Variants in STT3B observed in about 807,000 individuals in gnomAD.
STT3B encodes the protein STT3 oligosaccharyltransferase complex catalytic subunit B, also known as dolichyl-diphosphooligosaccharide--protein glycosyltransferase subunit STT3B.
In STT3B, 29 loss-of-function variants were observed where a neutral mutation model predicts 96.8. The ratio of observed to expected loss-of-function variants is 0.30; its 90% CI spans 0.22 to 0.41. The LOEUF is 0.41. Ranked by LOEUF, STT3B falls within the 10% of genes least tolerant of loss-of-function variation. The probability of loss-of-function intolerance (pLI) is 1.00; values close to 1 mark genes in which losing one functional copy is unlikely to be tolerated. For synonymous variants in STT3B, 367 were observed against 360.0 expected (o/e 1.02, Z -0.22); for missense variants, 640 against 1,022.3 (o/e 0.63, Z 5.10).
At chr3:31,599,290 T>A (rs569259448) in intron 4 of STT3B, among the ~76,000 whole-genome samples, 1 of 152,330 alleles carries the variant, frequency 6.6e-6, no homozygotes, top group Non-Finnish European at 1.5e-5. Flanking sequence ...GCATCCAAGT[T>A]ATCTGAGTTA....
intron 3 of STT3B, among the ~76,000 whole-genome samples, chr3:31,581,821 G>C (rs1364535079): frequency 2.0e-5 from 3 of 152,146 alleles, no homozygotes; most frequent in Admixed American, 1.3e-4. Context: ...AAGCCATCAG[G>C]ACCAGGACTT....
At chr3:31,541,438 A>G (rs1441052690) in intron 1 of STT3B, among the ~76,000 whole-genome samples, 1 of 143,524 alleles carries the variant, frequency 7.0e-6, no homozygotes, top group Non-Finnish European at 1.5e-5. Flanking sequence ...GATAAATGGA[A>G]TTGTGGCTTT....
chr3:31,579,183 A>G (rs983806062), intron 2 of STT3B, among the ~76,000 whole-genome samples: 2 of 151,980 alleles, frequency 1.3e-5, no homozygotes, highest in Non-Finnish European at 2.9e-5. Context: ...TAAGTACTTT[A>G]TGTGGTATAA....
chr3:31,625,890 T>C (rs1037941637), intron 12 of STT3B, 64 bp from the exon 13 acceptor site: 17 of 1,404,806 alleles, frequency 1.2e-5, no homozygotes, highest in East Asian at 9.4e-5. Context: ...GTAAAAAATA[T>C]ACATTGATTT....
In STT3B at chr3:31,617,991, A is replaced by G. The variant is rs756517925; in HGVS notation, c.1172+3A>G. On this transcript the variant is annotated splice_donor_region_variant and intron_variant, in intron 8 of 15. Coordinates refer to ENST00000295770, the MANE Select transcript of STT3B (RefSeq NM_178862.3). ...TTTTATTCATTGTGGGATACTGGGT[A>G]AGTACAGTTACATTATTTGGCATCA... is the stretch of plus-strand genomic sequence containing the variant. The G allele has an allele frequency of 6.3e-7, 1 of 1,579,702 alleles. No individual in the cohort carries two copies. The highest frequency in any genetic ancestry group is 8.7e-7 in the Non-Finnish European group (1 of 1,149,238).
intron 1 of STT3B, among the ~76,000 whole-genome samples, chr3:31,568,845 G>C (rs985146362): frequency 6.6e-6 from 1 of 152,130 alleles, no homozygotes; most frequent in African/African-American, 2.4e-5. Context: ...TGCAAAGGCA[G>C]CTCCTTGTGA....
At chr3:31,608,579 A>G (rs1050047637) in intron 5 of STT3B, among the ~76,000 whole-genome samples, 2 of 152,222 alleles carry the variant, frequency 1.3e-5, no homozygotes, top group Admixed American at 6.5e-5. Flanking sequence ...TGTTGTAGCA[A>G]TAATCATTGG....
At chr3:31,627,571 T>G (rs1433318099) in intron 13 of STT3B, among the ~76,000 whole-genome samples, 1 of 152,250 alleles carries the variant, frequency 6.6e-6, no homozygotes, top group Non-Finnish European at 1.5e-5. Flanking sequence ...TAATTGCCAC[T>G]GATCCAGAAT....
At chr3:31,574,913 T>G (rs1171463702) in intron 1 of STT3B, among the ~76,000 whole-genome samples, 1 of 152,210 alleles carries the variant, frequency 6.6e-6, no homozygotes, top group Non-Finnish European at 1.5e-5. Context: ...ACTAGACTAC[T>G]TAAATTTTTT....
At chr3:31,571,741 G>A (rs1698142122) in intron 1 of STT3B, among the ~76,000 whole-genome samples, 1 of 151,978 alleles carries the variant, frequency 6.6e-6, no homozygotes, top group Non-Finnish European at 1.5e-5. Flanking sequence ...TTGGAGCCAT[G>A]TATTAGGCTC....
chr3:31,552,307 C>T (rs1309923252), intron 1 of STT3B, among the ~76,000 whole-genome samples: 2 of 152,242 alleles, frequency 1.3e-5, no homozygotes, highest in South Asian at 2.1e-4. Flanking sequence ...CTCTTACTTG[C>T]CAGGGACTAT....
At chr3:31,594,057 T>G (rs1379215765) in intron 3 of STT3B, among the ~76,000 whole-genome samples, 1 of 152,210 alleles carries the variant, frequency 6.6e-6, no homozygotes, top group Non-Finnish European at 1.5e-5. Flanking sequence ...TCAAAGCCTC[T>G]GCTACTGGAC....
intron 4 of STT3B, among the ~76,000 whole-genome samples, chr3:31,600,002 G>GT (rs1217568896): frequency 2.6e-5 from 4 of 151,836 alleles, no homozygotes; most frequent in African/African-American, 7.3e-5. Context: ...GGTAAAACCC[G>GT]TTTTTTTATT....
chr3:31,567,859 AT>A (rs1432390765), intron 1 of STT3B, among the ~76,000 whole-genome samples: 1 of 152,132 alleles, frequency 6.6e-6, no homozygotes, highest in Non-Finnish European at 1.5e-5. Context: ...AAACATTTCA[AT>A]TCCAATCTTT....
In STT3B at chr3:31,633,276, G is replaced by A. The variant is rs116588864; in HGVS notation, c.2400+129G>A. 33,221 of 789,940 alleles carry A rather than the reference G, an allele frequency of 0.042. 908 individuals are homozygous for A. The highest frequency in any genetic ancestry group is 0.052 in the South Asian group (2,740 of 53,040). 48.9% of individuals were successfully genotyped at this position (789,940 alleles called of 1,614,324 possible). ...AAGACTATGGCTTCTATATTAATACGAAGTAAATATCAGCCTAGCCTGCTA... is the reference window on the plus strand; with the variant it reads ...AAGACTATGGCTTCTATATTAATACAAAGTAAATATCAGCCTAGCCTGCTA... On this transcript the variant is annotated intron_variant, in intron 15 of 15. Coordinates refer to ENST00000295770, the MANE Select transcript of STT3B (RefSeq NM_178862.3).
At chr3:31,563,799 G>A (rs1697936015) in intron 1 of STT3B, among the ~76,000 whole-genome samples, 1 of 152,128 alleles carries the variant, frequency 6.6e-6, no homozygotes, top group African/African-American at 2.4e-5. Flanking sequence ...GTGGAAATTA[G>A]ACCCTTATTC....
intron 5 of STT3B, among the ~76,000 whole-genome samples, chr3:31,610,877 G>C (rs894107782): frequency 3.3e-5 from 5 of 152,136 alleles, no homozygotes; most frequent in Admixed American, 1.3e-4. Context: ...AGTAATGAAT[G>C]CCAGTAACTG....
Position 31,533,042 on chromosome 3 carries a change from T to G in STT3B, c.44T>G (p.Leu15Arg), listed in dbSNP as rs745544339. ...SAPESKHKSS[L>R]NSSPWSGLMA... is the part of the protein sequence containing the mutation. Reference sequence around the variant, plus strand: ...CCGGAGAGCAAGCACAAGTCGTCCCTCAACTCGTCCCCGTGGAGTGGCCTC... The same window carrying G: ...CCGGAGAGCAAGCACAAGTCGTCCCGCAACTCGTCCCCGTGGAGTGGCCTC... The change falls in exon 1 of 16, where the codon CTC (leucine) becomes CGC (arginine). Residue 15 changes from leucine (L) to arginine (R), a missense_variant. By Grantham distance (102) the Leu-to-Arg change is moderately radical. Around this residue, in one of 8 missense-constraint regions of STT3B, gnomAD observed 89 missense variants for 81.7 expected, o/e 1.09. Coordinates refer to ENST00000295770, the MANE Select transcript of STT3B (RefSeq NM_178862.3). The G allele has an allele frequency of 4.4e-6, 7 of 1,586,672 alleles. No homozygotes were observed. The highest frequency in any genetic ancestry group is 4.3e-6 in the Non-Finnish European group (5 of 1,168,206).
chr3:31,632,048 A>C (rs1699673534), intron 14 of STT3B, among the ~76,000 whole-genome samples: 1 of 151,672 alleles, frequency 6.6e-6, no homozygotes, highest in Admixed American at 6.6e-5. Context: ...TAGAGACAAG[A>C]TCTTGCTATG....
Sources: allele counts gnomAD v4.1 joint callset (sites outside exome capture counted in the v4.1 genomes callset), GRCh38; gene constraint gnomAD v4.1.1; regional missense constraint gnomAD v4.1.1; transcripts MANE v1.5; gene names NCBI Gene and HGNC (gene_info 2026-07-23, HGNC 2026-07-21).